Variants in WFDC11 observed in about 807,000 individuals in gnomAD.
WFDC11 encodes the protein WAP four-disulfide core domain 11.
Under a neutral mutation model 9.9 loss-of-function variants are expected in WFDC11, and 9 were observed. The ratio of observed to expected loss-of-function variants is 0.91; its 90% CI spans 0.55 to 1.58. The LOEUF (loss-of-function observed/expected upper bound fraction) is 1.58, where lower values mean the gene tolerates loss of function less well. Among genes scored for constraint, WFDC11 ranks in the 40% most tolerant of loss-of-function variants. The pLI, the probability that WFDC11 is intolerant of heterozygous loss-of-function variation, is 0.00. For synonymous variants in WFDC11, 32 were observed against 33.3 expected (o/e 0.96, Z 0.13); for missense variants, 106 against 101.7 (o/e 1.04, Z -0.18).
At chr20:45,649,022 AAAG>A (rs1417286551) in intron 4 of WFDC11, among the ~76,000 whole-genome samples, 6 of 152,238 alleles carry the variant, frequency 3.9e-5, no homozygotes, top group African/African-American at 1.4e-4. Context: ...GGTGTAATAC[AAAG>A]AAGACAACAC....
chr20:45,669,916 A>G (rs1356568432), intron 1 of WFDC11, among the ~76,000 whole-genome samples: 2 of 152,124 alleles, frequency 1.3e-5, no homozygotes, highest in Non-Finnish European at 2.9e-5. Context: ...AGACTGGTAG[A>G]CCACTAGTTA....
Position 45,648,702 on chromosome 20 carries a change from G to A in WFDC11, c.*17C>T. 2 of 1,614,074 alleles carry A rather than the reference G, an allele frequency of 1.2e-6. No homozygotes were observed. Among genetic ancestry groups the A allele is most frequent in the Non-Finnish European group, 1.7e-6 (2 of 1,179,928 alleles). ...TCCCAGCCCACACAGGTGGCAGCCT[G>A]GTGGGAAGCTACGGTTTTAGTAATC... On this transcript the variant is annotated 3_prime_UTR_variant, in exon 5 of 5. Transcript: ENST00000324384.
intron 4 of WFDC11, 70 bp from the exon 5 acceptor site, chr20:45,648,809 T>A (rs1427229688): frequency 6.8e-7 from 1 of 1,479,944 alleles, no homozygotes; most frequent in Non-Finnish European, 9.4e-7. Context: ...TTCCCCCTGC[T>A]TAATAGTATC....
chr20:45,656,495 C>G (rs1334160360), intron 2 of WFDC11, among the ~76,000 whole-genome samples: 1 of 152,132 alleles, frequency 6.6e-6, no homozygotes. Flanking sequence ...GGAAGAAAAC[C>G]TAGGCAATAC....
At chr20:45,661,680 T>C (rs1475432568) in intron 2 of WFDC11, among the ~76,000 whole-genome samples, 1 of 152,160 alleles carries the variant, frequency 6.6e-6, no homozygotes, top group Non-Finnish European at 1.5e-5. Flanking sequence ...AGGGAATCCT[T>C]TCCCCATTGC....
chr20:45,669,212 A>C (rs1044559024), intron 1 of WFDC11, among the ~76,000 whole-genome samples: 4 of 152,172 alleles, frequency 2.6e-5, no homozygotes, highest in Non-Finnish European at 5.9e-5. Flanking sequence ...TTAAAATTAA[A>C]ATTAAAAAAC....
rs180695944 is a variant in WFDC11 at position 45,665,376 on chromosome 20, G to A, written c.-52+1712C>T. Among the ~76,000 whole-genome samples, 310 of 152,122 alleles carry A rather than the reference G, an allele frequency of 2.0e-3. 1 individual carries two copies. Among genetic ancestry groups the A allele is most frequent in the Non-Finnish European group, 2.9e-3 (196 of 67,988 alleles). ...GGGTTCAAACATCCTCCTTTAGCTC[G>A]GAGAAGTTTGTTATTATAGACCTTC... On this transcript the variant is annotated intron_variant, in intron 2 of 4. Transcript: ENST00000324384.
chr20:45,659,247 C>T (rs1174432758), intron 2 of WFDC11, among the ~76,000 whole-genome samples: 2 of 152,198 alleles, frequency 1.3e-5, no homozygotes, highest in African/African-American at 4.8e-5. Flanking sequence ...ATTGCTGGGA[C>T]AAATGATATT....
intron 2 of WFDC11, among the ~76,000 whole-genome samples, chr20:45,656,679 T>G (rs1982940507): frequency 6.6e-6 from 1 of 151,938 alleles, no homozygotes; most frequent in African/African-American, 2.4e-5. Flanking sequence ...ATTTTTGCAA[T>G]CTACCCATCT....
chr20:45,655,820 A>G (rs1025956717), intron 2 of WFDC11, among the ~76,000 whole-genome samples: 2 of 152,112 alleles, frequency 1.3e-5, no homozygotes, highest in Non-Finnish European at 2.9e-5. Context: ...TCATGAGTGA[A>G]CTCCCATTCA....
At chr20:45,656,366 G>C (rs1982931797) in intron 2 of WFDC11, among the ~76,000 whole-genome samples, 1 of 152,182 alleles carries the variant, frequency 6.6e-6, no homozygotes, top group Non-Finnish European at 1.5e-5. Flanking sequence ...ATGGTGCTGG[G>C]AAAACTGGCT....
intron 2 of WFDC11, among the ~76,000 whole-genome samples, chr20:45,664,645 G>T (rs986427328): frequency 1.3e-5 from 2 of 152,168 alleles, no homozygotes; most frequent in African/African-American, 4.8e-5. Context: ...TTTCTTGTCT[G>T]TAAAGGATTT....
intron 2 of WFDC11, among the ~76,000 whole-genome samples, chr20:45,661,707 T>C (rs1225556438): frequency 6.6e-6 from 1 of 152,166 alleles, no homozygotes; most frequent in East Asian, 1.9e-4. Flanking sequence ...TTCTCAGGTT[T>C]GTCAAAGATC....
intron 3 of WFDC11, 46 bp from the exon 4 acceptor site, chr20:45,649,445 C>T: frequency 6.3e-7 from 1 of 1,598,934 alleles, no homozygotes; most frequent in Non-Finnish European, 8.5e-7. Flanking sequence ...ATGTTTCAGC[C>T]AAGAGCGGAA....
chr20:45,656,474 A>G (rs2092821212), intron 2 of WFDC11, among the ~76,000 whole-genome samples: 1 of 152,260 alleles, frequency 6.6e-6, no homozygotes, highest in South Asian at 2.1e-4. Flanking sequence ...ATGTAAAACC[A>G]TAAAAACCCT....
chr20:45,650,354 T>A, intron 3 of WFDC11, 147 bp downstream of exon 3: 1 of 632,818 alleles, frequency 1.6e-6, no homozygotes. Flanking sequence ...TTCTTGAATC[T>A]CTGTGCATAC....
At chr20:45,649,776 C>G (rs6065849) in intron 3 of WFDC11, among the ~76,000 whole-genome samples, 1 of 152,152 alleles carries the variant, frequency 6.6e-6, no homozygotes, top group Non-Finnish European at 1.5e-5. Context: ...ATCTTGTAGC[C>G]TCATTGCAAT....
At chr20:45,651,059 C>T (rs1982794638) in intron 2 of WFDC11, among the ~76,000 whole-genome samples, 1 of 152,144 alleles carries the variant, frequency 6.6e-6, no homozygotes. Flanking sequence ...TGCTCCTCTC[C>T]CTCCTTCCAC....
rs959497860 is a variant in WFDC11 at position 45,670,117 on chromosome 20, T to C, written c.-134+61A>G. 11 of 151,720 alleles carry C rather than the reference T, an allele frequency of 7.3e-5. No homozygotes were observed. The East Asian group carries it at 2.1e-3, about 29-fold the overall frequency. 9.4% of individuals were successfully genotyped at this position (151,720 alleles called of 1,614,324 possible). A position where few individuals can be genotyped will look rare whatever the true frequency, so the allele number is the denominator to read the frequency against. On this transcript the variant is annotated intron_variant, in intron 1 of 4. Coordinates refer to ENST00000324384, the MANE Select transcript of WFDC11 (RefSeq NM_147197.2). ...ACAAACTCCCAAGATTAAACCAGGA[T>C]GAAATTGAACAGACCAATAACAAGT...
Sources: allele counts gnomAD v4.1 joint callset (sites outside exome capture counted in the v4.1 genomes callset), GRCh38; gene constraint gnomAD v4.1.1; transcripts MANE v1.5; gene names NCBI Gene and HGNC (gene_info 2026-07-23, HGNC 2026-07-21).